The following ESRRG variants were observed in gnomAD, a reference collection of about 807,000 sequenced individuals.
The protein encoded by ESRRG is estrogen related receptor gamma.
ESRRG carries 13 observed loss-of-function variants against 44.0 expected under a neutral mutation model. That is an observed-to-expected ratio of 0.30 (90% confidence interval 0.19 to 0.47). The LOEUF is 0.47. Ranked by LOEUF, ESRRG falls within the 20% of genes least tolerant of loss-of-function variation. The pLI, the probability that ESRRG is intolerant of heterozygous loss-of-function variation, is 1.00. For synonymous variants in ESRRG, 215 were observed against 214.6 expected (o/e 1.00, Z -0.02); for missense variants, 395 against 580.6 (o/e 0.68, Z 3.29).
At chr1:216,544,337 A>G (rs561945105) in intron 5 of ESRRG, among the ~76,000 whole-genome samples, 10 of 152,080 alleles carry the variant, frequency 6.6e-5, no homozygotes, top group Non-Finnish European at 1.5e-5. Context: ...AAATAATTAC[A>G]TATTTCTCAT....
At chr1:216,540,913 C>T (rs2052506928) in intron 5 of ESRRG, among the ~76,000 whole-genome samples, 1 of 151,752 alleles carries the variant, frequency 6.6e-6, no homozygotes. Context: ...TTTTTTAGTC[C>T]TTCTGAAAAC....
rs75536999 is a variant in ESRRG at position 216,559,513 on chromosome 1, T to C, written c.862+4706A>G. On this transcript the variant is annotated intron_variant, in intron 5 of 6. Coordinates refer to ENST00000408911, the MANE Select transcript of ESRRG (RefSeq NM_001438.4). Reference sequence around the variant, plus strand: ...CCAATGATACAGACCCAAAACAGAATATAAGGTATGACTAACATATGGTAT... The same window carrying C: ...CCAATGATACAGACCCAAAACAGAACATAAGGTATGACTAACATATGGTAT... Among the ~76,000 whole-genome samples, 929 of 152,318 alleles carry C rather than the reference T, an allele frequency of 6.1e-3. 9 individuals carry two copies. The highest frequency in any genetic ancestry group is 0.027 in the Middle Eastern group (8 of 294).
chr1:217,014,472 T>C (rs2079065613), intron 1 of ESRRG, among the ~76,000 whole-genome samples: 1 of 152,200 alleles, frequency 6.6e-6, no homozygotes, highest in Non-Finnish European at 1.5e-5. Flanking sequence ...ATAACTTTTT[T>C]CTTTAAAACA....
chr1:216,639,771 T>C (rs557535267), intron 3 of ESRRG, among the ~76,000 whole-genome samples: 1 of 152,300 alleles, frequency 6.6e-6, no homozygotes, highest in African/African-American at 2.4e-5. Flanking sequence ...ACACATAATC[T>C]TTTGAGAAAC....
chr1:216,523,226 G>C (rs762583754), intron 5 of ESRRG, among the ~76,000 whole-genome samples: 1 of 152,108 alleles, frequency 6.6e-6, no homozygotes, highest in Non-Finnish European at 1.5e-5. Flanking sequence ...GCCATTTAAT[G>C]TATCTCAGGC....
At chr1:216,538,197 T>C (rs74806333) in intron 5 of ESRRG, among the ~76,000 whole-genome samples, 1,608 of 152,192 alleles carry the variant, frequency 0.011, 30 homozygotes, top group African/African-American at 0.036. Context: ...GATATCAAAA[T>C]GTATTCCTCT....
chr1:216,713,356 C>A (rs1451877464), intron 1 of ESRRG, among the ~76,000 whole-genome samples: 1 of 140,678 alleles, frequency 7.1e-6, no homozygotes, highest in African/African-American at 2.7e-5. Context: ...AATCTCATTC[C>A]TTTCTTGAAA....
Position 216,828,104 on chromosome 1 carries a change from T to C in ESRRG, c.-14+111478A>G, listed in dbSNP as rs1007906478. Among the ~76,000 whole-genome samples the C allele has an allele frequency of 7.9e-5, 12 of 152,252 alleles. No individual in the cohort carries two copies. The Middle Eastern group carries it at 0.014, about 173-fold the overall frequency. On this transcript the variant is annotated intron_variant, in intron 2 of 7. Coordinates refer to the ESRRG transcript ENST00000359162. ...GGTTGAAACTATCAAGGATTGAACA[T>C]TTCTCTCAAGCTCAAGAAAGAACCA...
At chr1:216,539,283 T>C (rs977418002) in intron 5 of ESRRG, among the ~76,000 whole-genome samples, 2 of 152,040 alleles carry the variant, frequency 1.3e-5, no homozygotes, top group Non-Finnish European at 2.9e-5. Flanking sequence ...ATTTAGTGAA[T>C]TTGAAGAATT....
chr1:216,786,966 A>G lies in ESRRG; in HGVS notation c.-13-109475T>C, dbSNP rs574512095. ...CTTCACTTTACAGTGCTTTGCAAAT[A>G]TTGCACTTTTTGCAAATGGAAGGTT... On this transcript the variant is annotated intron_variant, in intron 2 of 7. Transcript: ENST00000359162. Among the ~76,000 whole-genome samples, 125 of 152,148 alleles carry G rather than the reference A, an allele frequency of 8.2e-4. 1 individual carries two copies. Among genetic ancestry groups the G allele is most frequent in the Admixed American group, 2.7e-3 (41 of 15,264 alleles).
intron 2 of ESRRG, among the ~76,000 whole-genome samples, chr1:216,871,961 A>C (rs2096265237): frequency 6.6e-6 from 1 of 151,980 alleles, no homozygotes; most frequent in South Asian, 2.1e-4. Context: ...CTATCTGAAA[A>C]ATTTCCTTTA....
chr1:216,712,447 G>A (rs193083446), intron 1 of ESRRG, among the ~76,000 whole-genome samples: 1 of 152,198 alleles, frequency 6.6e-6, no homozygotes, highest in Non-Finnish European at 1.5e-5. Flanking sequence ...TGTATCAGCA[G>A]TAGTGGCGGT....
rs11572391 is a variant in ESRRG at position 217,089,015 on chromosome 1, C to G, written c.-106+492G>C. The stretch of plus-strand genomic sequence containing the variant: ...CAGCGTAGAGGACAGGAGGGAGACA[C>G]CTAGGACTACAGCAGCAGCAATCAC... On this transcript the variant is annotated intron_variant, in intron 1 of 7. Coordinates refer to the ESRRG transcript ENST00000359162. Among the ~76,000 whole-genome samples, 1,284 of 152,098 alleles carry G rather than the reference C, an allele frequency of 8.4e-3. 18 individuals are homozygous for G. Among genetic ancestry groups the G allele is most frequent in the African/African-American group, 0.029 (1,209 of 41,486 alleles).
At chr1:216,880,932 C>T (rs1345735787) in intron 2 of ESRRG, among the ~76,000 whole-genome samples, 2 of 152,110 alleles carry the variant, frequency 1.3e-5, no homozygotes, top group Non-Finnish European at 2.9e-5. Flanking sequence ...TTTTAATATG[C>T]TCTCTTCCTA....
intron 1 of ESRRG, among the ~76,000 whole-genome samples, chr1:217,055,633 T>A (rs1239655056): frequency 6.6e-6 from 1 of 152,140 alleles, no homozygotes; most frequent in Non-Finnish European, 1.5e-5. Context: ...AGACAAAGAA[T>A]GAATCTCCAG....
intron 3 of ESRRG, among the ~76,000 whole-genome samples, chr1:216,640,528 A>G (rs969821008): frequency 1.3e-5 from 2 of 151,884 alleles, no homozygotes; most frequent in Non-Finnish European, 2.9e-5. Flanking sequence ...AAAGCGAGAG[A>G]GGACGAACTA....
At chr1:216,639,520 A>G (rs1218577778) in intron 3 of ESRRG, among the ~76,000 whole-genome samples, 1 of 152,202 alleles carries the variant, frequency 6.6e-6, no homozygotes, top group Non-Finnish European at 1.5e-5. Context: ...ACACAAAACC[A>G]GAAATTGGTA....
intron 2 of ESRRG, among the ~76,000 whole-genome samples, chr1:216,880,297 T>A (rs1275346538): frequency 2.7e-5 from 1 of 36,606 alleles, no homozygotes; most frequent in Admixed American, 4.6e-4. Flanking sequence ...ACAACAAGCC[T>A]CCCTCTCAAA....
rs1452142493 is a variant in ESRRG at position 216,596,097 on chromosome 1, C to A, written c.590-27999G>T. 2.6e-5 allele frequency among the ~76,000 whole-genome samples: 4 copies of A among 152,186 alleles called. No individual in the cohort carries two copies. The South Asian group carries it at 8.3e-4, about 31-fold the overall frequency. On this transcript the variant is annotated intron_variant, in intron 3 of 6. Coordinates refer to ENST00000408911, the MANE Select transcript of ESRRG (RefSeq NM_001438.4). ...CCCATCCCTGGGGTCAACTGGCTCA[C>A]TGAGAAAGTCGAATGAGGAACAACA...
Sources: gnomAD v4.1 joint callset for allele counts (sites outside exome capture counted in the v4.1 genomes callset) on GRCh38, gnomAD v4.1.1 for gene constraint, MANE v1.5 for transcripts, NCBI Gene and HGNC (gene_info 2026-07-23, HGNC 2026-07-21) for gene names.